The following REEP1 variants were observed in gnomAD, a reference collection of about 807,000 sequenced individuals.
The protein encoded by REEP1 is receptor accessory protein 1.
A neutral mutation model predicts 40.3 loss-of-function variants in REEP1; 22 were observed. The ratio of observed to expected loss-of-function variants is 0.55; its 90% confidence interval spans 0.39 to 0.78. The LOEUF (loss-of-function observed/expected upper bound fraction) is 0.78, where lower values mean the gene tolerates loss of function less well. Ranked by LOEUF, REEP1 falls within the 30% of genes least tolerant of loss-of-function variation. The pLI is 0.00. For missense variants in REEP1, 280 were observed against 361.1 expected (o/e 0.78, Z 1.82); for synonymous variants, 116 against 139.2 (o/e 0.83, Z 1.17).
rs1321153256 is a variant in REEP1 at position 86,216,178 on chromosome 2, T to G, written c.*861A>C. On this transcript the variant is annotated 3_prime_UTR_variant, in exon 9 of 9. Coordinates refer to ENST00000538924, the MANE Select transcript of REEP1 (RefSeq NM_001371279.1). ...TTACTCCTTCCAGCAGCTCTACATG[T>G]TCCCATCCTCAAGAAATTGCACCAA... 6.6e-6 allele frequency: 1 copy of G among 152,194 alleles called. No individual in the cohort carries two copies. Among genetic ancestry groups the G allele is most frequent in the Non-Finnish European group, 1.5e-5 (1 of 68,020 alleles). The allele number at this position is 152,194 out of a possible 1,614,324, so 9.4% of individuals were successfully genotyped here.
chr2:86,259,898 G>T (rs1676766550), intron 3 of REEP1, among the ~76,000 whole-genome samples: 1 of 152,176 alleles, frequency 6.6e-6, no homozygotes, highest in Non-Finnish European at 1.5e-5. Context: ...GGAAAAGAAG[G>T]TCCATACAAG....
intron 1 of REEP1, among the ~76,000 whole-genome samples, chr2:86,303,074 G>C (rs1331212447): frequency 2.6e-5 from 4 of 152,098 alleles, no homozygotes; most frequent in African/African-American, 9.7e-5. Flanking sequence ...ATGGGGTCTT[G>C]CTCTGTCACC....
intron 1 of REEP1, among the ~76,000 whole-genome samples, chr2:86,322,843 C>T (rs1347614989): frequency 6.6e-6 from 1 of 152,034 alleles, no homozygotes; most frequent in Non-Finnish European, 1.5e-5. Context: ...ATCCCTTAAG[C>T]TCAGGAGTCT....
chr2:86,294,096 G>A (rs947187714), intron 1 of REEP1, among the ~76,000 whole-genome samples: 2 of 152,162 alleles, frequency 1.3e-5, no homozygotes, highest in Admixed American at 6.5e-5. Context: ...AACTAGATAA[G>A]TAAAACTCAT....
intron 2 of REEP1, among the ~76,000 whole-genome samples, chr2:86,274,013 A>G (rs1438174823): frequency 6.6e-6 from 1 of 152,256 alleles, no homozygotes; most frequent in African/African-American, 2.4e-5. Context: ...TGAATGGGAC[A>G]GAAAGAATGG....
intron 5 of REEP1, among the ~76,000 whole-genome samples, chr2:86,244,598 A>T (rs776241096): frequency 3.9e-4 from 60 of 152,316 alleles, no homozygotes; most frequent in Non-Finnish European, 5.6e-4. Context: ...AATAAGAGCT[A>T]CAGCATGGGT....
intron 1 of REEP1, among the ~76,000 whole-genome samples, chr2:86,286,066 C>T (rs1365559786): frequency 3.9e-5 from 6 of 152,194 alleles, no homozygotes; most frequent in East Asian, 1.9e-4. Context: ...CCTGAAGCCC[C>T]GACTCTGTGT....
At chr2:86,248,892 G>T (rs1412384989) in intron 5 of REEP1, among the ~76,000 whole-genome samples, 2 of 152,192 alleles carry the variant, frequency 1.3e-5, no homozygotes, top group African/African-American at 4.8e-5. Flanking sequence ...TTTTCAGACA[G>T]TTGCTCTAAT....
chr2:86,242,732 C>G (rs1376553120), intron 5 of REEP1, among the ~76,000 whole-genome samples: 15 of 152,124 alleles, frequency 9.9e-5, no homozygotes, highest in Admixed American at 9.8e-4. Context: ...AGGCTAGGAT[C>G]AGGGTCGGAC....
At chr2:86,232,916 A>G (rs1032527085) in intron 5 of REEP1, 114 bp from the exon 6 acceptor site, 1 of 1,049,804 alleles carries the variant, frequency 9.5e-7, no homozygotes, top group African/African-American at 1.6e-5. Flanking sequence ...GACCTGGATC[A>G]ACTCTGAGGC....
At chr2:86,228,460 T>C (rs926227311) in intron 6 of REEP1, among the ~76,000 whole-genome samples, 5 of 151,314 alleles carry the variant, frequency 3.3e-5, no homozygotes, top group Non-Finnish European at 7.4e-5. Context: ...CCTTCACTTT[T>C]TTTTTTTTTT....
Position 86,252,001 on chromosome 2 carries a change from C to T in REEP1, c.373G>A (p.Gly125Ser), listed in dbSNP as rs1375850288. 1.2e-6 allele frequency: 2 copies of T among 1,614,078 alleles called. No homozygotes were observed. The highest frequency in any genetic ancestry group is 1.7e-6 in the Non-Finnish European group (2 of 1,180,002). ...GCCGCTGTGGCGGCCACGTTCAAGCCCCGCTTCCCGAAGTGCACAAGGGCA... is the reference window on the plus strand; with the variant it reads ...GCCGCTGTGGCGGCCACGTTCAAGCTCCGCTTCCCGAAGTGCACAAGGGCA... The part of the protein sequence containing the change: ...YDALVHFGKR[G>S]LNVAATAAVM... The change falls in exon 5 of 9, where the codon GGC becomes AGC. Residue 125 changes from glycine (G) to serine (S), a missense_variant. Coordinates refer to ENST00000538924, the MANE Select transcript of REEP1 (RefSeq NM_001371279.1).
chr2:86,314,186 C>T (rs1476993995), intron 1 of REEP1, among the ~76,000 whole-genome samples: 3 of 152,236 alleles, frequency 2.0e-5, no homozygotes, highest in East Asian at 1.9e-4. Context: ...CCCCACAGTG[C>T]CTTACCTCCT....
intron 5 of REEP1, chr2:86,251,259 C>G (rs905601178): frequency 6.5e-6 from 1 of 153,108 alleles, no homozygotes; most frequent in Non-Finnish European, 1.5e-5. Flanking sequence ...TTGACGACAA[C>G]AAGAGGGTGA....
At chr2:86,300,658 G>A (rs1458669534) in intron 1 of REEP1, among the ~76,000 whole-genome samples, 1 of 152,130 alleles carries the variant, frequency 6.6e-6, no homozygotes, top group Non-Finnish European at 1.5e-5. Context: ...AGGTCCCAGG[G>A]CCGCATGACT....
chr2:86,307,153 G>T (rs1367196053), intron 1 of REEP1, among the ~76,000 whole-genome samples: 1 of 150,448 alleles, frequency 6.6e-6, no homozygotes, highest in African/African-American at 2.5e-5. Flanking sequence ...GCAGTGAGCC[G>T]AGATCACGCC....
intron 1 of REEP1, among the ~76,000 whole-genome samples, chr2:86,333,731 T>G (rs1680877255): frequency 6.6e-6 from 1 of 152,226 alleles, no homozygotes; most frequent in African/African-American, 2.4e-5. Flanking sequence ...CTCCCCAGTT[T>G]GAAATTCATT....
chr2:86,238,893 T>C (rs1269902291), intron 5 of REEP1, among the ~76,000 whole-genome samples: 2 of 152,076 alleles, frequency 1.3e-5, no homozygotes, highest in African/African-American at 4.8e-5. Context: ...TTTTGTGTGC[T>C]AAGGGGATGG....
chr2:86,281,367 C>T lies in REEP1; in HGVS notation c.105+803G>A, dbSNP rs11887020. On this transcript the variant is annotated intron_variant, in intron 2 of 8. Coordinates refer to ENST00000538924, the MANE Select transcript of REEP1 (RefSeq NM_001371279.1). ...GATATAGGGGCCGGGCACTGTGGCA[C>T]GCCTATAATCCCCGCTTTTTGGGAG... Among the ~76,000 whole-genome samples the T allele has an allele frequency of 2.2e-3, 331 of 152,320 alleles. 4 individuals carry two copies. The highest frequency in any genetic ancestry group is 7.2e-3 in the African/African-American group (299 of 41,568).
Sources: allele counts gnomAD v4.1 joint callset (sites outside exome capture counted in the v4.1 genomes callset), GRCh38; gene constraint gnomAD v4.1.1; transcripts MANE v1.5; gene names NCBI Gene and HGNC (gene_info 2026-07-23, HGNC 2026-07-21).